MEGF11: variants seen among roughly 807,000 people sequenced by gnomAD.
The protein encoded by MEGF11 is multiple EGF like domains 11, also known as multiple epidermal growth factor-like domains protein 11.
MEGF11 carries 126 observed loss-of-function variants against 146.6 expected under a neutral mutation model. The observed-to-expected ratio is 0.86, with a 90% CI of 0.74 to 1.00. The LOEUF is 1.00. Ranked by LOEUF, MEGF11 falls within the 50% of genes least tolerant of loss-of-function variation. The probability of loss-of-function intolerance (pLI) is 0.00; values close to 1 mark genes in which losing one functional copy is unlikely to be tolerated. For missense variants in MEGF11, 1,509 were observed against 1,521.2 expected, an observed-to-expected ratio of 0.99 and a Z score of 0.13; for synonymous variants, 532 against 583.4, an observed-to-expected ratio of 0.91 and a Z score of 1.27.
At chr15:66,195,557 A>G (rs2090987781) in intron 1 of MEGF11, among the ~76,000 whole-genome samples, 1 of 152,226 alleles carries the variant, frequency 6.6e-6, no homozygotes, top group African/African-American at 2.4e-5. Flanking sequence ...ACCGAGAAGA[A>G]GGGAGAGCAA....
chr15:65,992,452 G>GTGT (rs1567193595), intron 5 of MEGF11, among the ~76,000 whole-genome samples: 7 of 23,432 alleles, frequency 3.0e-4, no homozygotes, highest in Non-Finnish European at 4.3e-4. Context: ...TGTGTGTGTG[G>GTGT]GGGGGGGGGT....
chr15:66,022,480 T>A (rs2083181386), intron 5 of MEGF11, among the ~76,000 whole-genome samples: 1 of 152,194 alleles, frequency 6.6e-6, no homozygotes, highest in Non-Finnish European at 1.5e-5. Flanking sequence ...GTACATAATT[T>A]CAAGGAGTTC....
At chr15:65,922,313 A>T (rs1458549275) in intron 15 of MEGF11, 25 bp downstream of exon 15, 1 of 1,603,664 alleles carries the variant, frequency 6.2e-7, no homozygotes, top group Non-Finnish European at 8.5e-7. Context: ...CTCCCCACCC[A>T]GTACCTTCCC....
At chr15:66,193,408 G>T (rs1022828051) in intron 1 of MEGF11, among the ~76,000 whole-genome samples, 1 of 152,214 alleles carries the variant, frequency 6.6e-6, no homozygotes, top group East Asian at 1.9e-4. Flanking sequence ...AGCACAAGAG[G>T]TACAAGGTTA....
intron 15 of MEGF11, chr15:65,922,133 C>T (rs1018232099): frequency 1.7e-6 from 1 of 602,714 alleles, no homozygotes; most frequent in Non-Finnish European, 2.9e-6. Context: ...CAAATCATTT[C>T]ACTTCTGTGA....
intron 10 of MEGF11, among the ~76,000 whole-genome samples, chr15:65,951,066 A>G (rs373255836): frequency 2.0e-5 from 3 of 152,166 alleles, no homozygotes; most frequent in African/African-American, 7.2e-5. Flanking sequence ...GCTTGTTAGG[A>G]GGTCCAGGGT....
rs760705880 is a variant in MEGF11 at position 65,922,836 on chromosome 15, G to A, written c.1809C>T (p.Pro603=). The A allele has an allele frequency of 6.2e-7, 1 of 1,613,904 alleles. No individual in the cohort carries two copies. The highest frequency in any genetic ancestry group is 2.2e-5 in the East Asian group (1 of 44,876). ...GATTAGCCTTACTTCTCTGGCATAA[G>A]GGTCCTCGGAAGCCAGGGGCACACT... The part of the protein sequence containing the change: ...SCECAPGFRG[P]LCQRICPPGF... Residue 603 remains proline, a synonymous_variant, in exon 14 of 26, where the codon CCC becomes CCT. Transcript: ENST00000395614.
intron 5 of MEGF11, among the ~76,000 whole-genome samples, chr15:66,063,290 T>C (rs1053345359): frequency 1.3e-5 from 2 of 152,124 alleles, no homozygotes; most frequent in South Asian, 2.1e-4. Context: ...ATCTGACTCA[T>C]GTTTTAGAGT....
At chr15:66,099,679 A>G (rs1283896445) in intron 4 of MEGF11, among the ~76,000 whole-genome samples, 1 of 152,234 alleles carries the variant, frequency 6.6e-6, no homozygotes, top group Admixed American at 6.5e-5. Flanking sequence ...CATGCAAAGC[A>G]CCAAGTACCA....
chr15:66,071,020 G>T (rs759949319), intron 5 of MEGF11, among the ~76,000 whole-genome samples: 5 of 152,018 alleles, frequency 3.3e-5, no homozygotes, highest in Non-Finnish European at 5.9e-5. Context: ...GGTGTATCTT[G>T]GTGGCACTTA....
chr15:65,921,003 AC>A (rs1409196858), intron 15 of MEGF11, among the ~76,000 whole-genome samples: 1 of 152,030 alleles, frequency 6.6e-6, no homozygotes, highest in Non-Finnish European at 1.5e-5. Flanking sequence ...TTATGATTAA[AC>A]CATCCTAGGA....
intron 5 of MEGF11, among the ~76,000 whole-genome samples, chr15:66,087,412 C>G (rs939905538): frequency 6.6e-6 from 1 of 152,132 alleles, no homozygotes; most frequent in African/African-American, 2.4e-5. Flanking sequence ...CAAGAGAGAC[C>G]ATATGATAGG....
chr15:66,208,012 G>A (rs768892144), intron 1 of MEGF11, among the ~76,000 whole-genome samples: 5 of 151,912 alleles, frequency 3.3e-5, no homozygotes, highest in Non-Finnish European at 7.4e-5. Flanking sequence ...TTGAACCTGG[G>A]AGGTGGAGGT....
At chr15:65,976,040 C>CTTTTTT (rs57047424) in intron 7 of MEGF11, among the ~76,000 whole-genome samples, 8 of 102,060 alleles carry the variant, frequency 7.8e-5, no homozygotes, top group African/African-American at 2.9e-4. Context: ...TTCAACATTC[C>CTTTTTT]TTTTTTTTTT....
chr15:66,116,575 G>A (rs556568625), intron 4 of MEGF11, among the ~76,000 whole-genome samples: 4 of 152,316 alleles, frequency 2.6e-5, no homozygotes, highest in Non-Finnish European at 5.9e-5. Flanking sequence ...ACATGAACAT[G>A]TGGTAACGTT....
intron 1 of MEGF11, among the ~76,000 whole-genome samples, chr15:66,215,844 T>G (rs1319162932): frequency 6.6e-6 from 1 of 152,188 alleles, no homozygotes; most frequent in Non-Finnish European, 1.5e-5. Flanking sequence ...GGCTCCACAT[T>G]GGAAATTCAT....
At chr15:66,118,319 C>A (rs959992912) in intron 4 of MEGF11, among the ~76,000 whole-genome samples, 1 of 152,082 alleles carries the variant, frequency 6.6e-6, no homozygotes, top group African/African-American at 2.4e-5. Flanking sequence ...TGCCGAAAGC[C>A]CCATAGCTAG....
chr15:66,022,883 C>T (rs1275126535), intron 5 of MEGF11, among the ~76,000 whole-genome samples: 1 of 150,800 alleles, frequency 6.6e-6, no homozygotes, highest in Non-Finnish European at 1.5e-5. Flanking sequence ...GGGGTAGTGG[C>T]TCATGACTGT....
intron 7 of MEGF11, among the ~76,000 whole-genome samples, chr15:65,975,052 G>T (rs1037454691): frequency 6.6e-6 from 1 of 152,078 alleles, no homozygotes; most frequent in Non-Finnish European, 1.5e-5. Context: ...TCACCATGTT[G>T]GCCAGGCTGG....
Sources: allele counts gnomAD v4.1 joint callset (sites outside exome capture counted in the v4.1 genomes callset), GRCh38; gene constraint gnomAD v4.1.1; transcripts MANE v1.5; gene names NCBI Gene and HGNC (gene_info 2026-07-23, HGNC 2026-07-21).